KNG1: variants seen among roughly 807,000 people sequenced by gnomAD.
KNG1 encodes kininogen 1, also known as kininogen-1.
KNG1 carries 23 observed loss-of-function variants against 47.8 expected under a neutral mutation model. The observed-to-expected ratio is 0.48, with a 90% CI of 0.35 to 0.68. The LOEUF is 0.68. KNG1 is among the 30% of genes least tolerant of loss of function. The pLI, the probability that KNG1 is intolerant of heterozygous loss-of-function variation, is 0.01. For synonymous variants in KNG1, 277 were observed against 277.0 expected, an observed-to-expected ratio of 1.00 and a Z score of 0.00; for missense variants, 762 against 790.2, an observed-to-expected ratio of 0.96 and a Z score of 0.43.
chr3:186,725,514 T>G (rs999213850), intron 4 of KNG1, among the ~76,000 whole-genome samples: 2 of 149,100 alleles, frequency 1.3e-5, no homozygotes, highest in African/African-American at 5.0e-5. Flanking sequence ...CTAGAGACAG[T>G]GAAAAGGAAA....
chr3:186,718,766 T>C (rs148986319), intron 1 of KNG1, among the ~76,000 whole-genome samples: 1 of 152,070 alleles, frequency 6.6e-6, no homozygotes, highest in Admixed American at 6.5e-5. Context: ...AGGAATGAGG[T>C]TAATGTGATT....
At position 186,743,726 on chromosome 3, in the gene KNG1, T is replaced by C; in HGVS notation, c.*1395T>C. 1 of 1,613,994 alleles carries C rather than the reference T, an allele frequency of 6.2e-7. No individual in the cohort carries two copies. The highest frequency in any genetic ancestry group is 8.5e-7 in the Non-Finnish European group (1 of 1,179,922). On this transcript the variant is annotated 3_prime_UTR_variant, in exon 10 of 10. Transcript: ENST00000644859. ...ACAGAGTCACCTAAGGTCCTGCGAGTACAAGGGTCGACCCCCAAAGGCAGG... is the reference window on the plus strand; with the variant it reads ...ACAGAGTCACCTAAGGTCCTGCGAGCACAAGGGTCGACCCCCAAAGGCAGG...
rs188949966 is a variant in KNG1 at position 186,720,829 on chromosome 3, G to A, written c.306+614G>A. Among the ~76,000 whole-genome samples, 153 of 119,854 alleles carry A rather than the reference G, an allele frequency of 1.3e-3. 1 individual carries two copies. The highest frequency in any genetic ancestry group is 0.015 in the Middle Eastern group (2 of 132). 78.6% of individuals were successfully genotyped at this position (119,854 alleles called of 152,430 possible). A position where few individuals can be genotyped will look rare whatever the true frequency, so the allele number is the denominator to read the frequency against. Reference sequence around the variant, plus strand: ...TTTTGAGCCAGAGTCTCGCTCTGTCGCTCAGGCTGGAGTGCAGTGGCGCGA... The same window carrying A: ...TTTTGAGCCAGAGTCTCGCTCTGTCACTCAGGCTGGAGTGCAGTGGCGCGA... On this transcript the variant is annotated intron_variant, in intron 2 of 9. Transcript: ENST00000644859.
At chr3:186,728,018 A>G (rs1187155704) in intron 5 of KNG1, among the ~76,000 whole-genome samples, 1 of 152,104 alleles carries the variant, frequency 6.6e-6, no homozygotes, top group African/African-American at 2.4e-5. Flanking sequence ...CCCTTGCTCT[A>G]CCCAGGGTTA....
chr3:186,722,217 ACTGT>A, intron 2 of KNG1: 1 of 544,886 alleles, frequency 1.8e-6, no homozygotes, highest in African/African-American at 1.9e-5. Flanking sequence ...CATCATTTAC[ACTGT>A]CTTTCCTCCA....
Position 186,742,039 on chromosome 3 carries a change from T to A in KNG1, c.1643T>A (p.Ile548Asn). ...GAGAAGACAGAAGGGCCAACACCCA[T>A]CCCTTCCCTAGCCAAGCCAGGTGTA... ...TQEKTEGPTP[I>N]PSLAKPGVTV... Residue 548 changes from isoleucine (I) to asparagine (N), a missense_variant, in exon 10 of 10, where the codon ATC becomes AAC. Coordinates refer to ENST00000644859, the MANE Select transcript of KNG1 (RefSeq NM_001102416.3). The A allele has an allele frequency of 6.2e-7, 1 of 1,613,988 alleles. No individual in the cohort carries two copies.
intron 4 of KNG1, among the ~76,000 whole-genome samples, chr3:186,726,586 G>A (rs775759253): frequency 8.6e-5 from 13 of 152,030 alleles, no homozygotes; most frequent in East Asian, 1.9e-4. Context: ...CACCACGCCC[G>A]CCCCTCCCAG....
chr3:186,723,826 G>A (rs1302427480), intron 3 of KNG1, among the ~76,000 whole-genome samples: 1 of 151,946 alleles, frequency 6.6e-6, no homozygotes, highest in African/African-American at 2.4e-5. Context: ...GATAATTTTT[G>A]TGTTTTTAGT....
In KNG1 at chr3:186,742,233, A is replaced by C. The variant is rs760079397; in HGVS notation, c.1837A>C (p.Lys613Gln). 4 of 1,614,078 alleles carry C rather than the reference A, an allele frequency of 2.5e-6. No individual in the cohort carries two copies. The highest frequency in any genetic ancestry group is 3.4e-6 in the Non-Finnish European group (4 of 1,180,042). The change falls in exon 10 of 10, where the codon AAA becomes CAA. Residue 613 changes from lysine (K) to glutamine (Q), a missense_variant. By Grantham distance (53) the Lys-to-Gln change is moderately conservative. Coordinates refer to ENST00000644859, the MANE Select transcript of KNG1 (RefSeq NM_001102416.3). ...AGATTTTCCAGACACGACCTCCCCA[A>C]AATGTCCTGGACGCCCCTGGAAGTC... ...ISDFPDTTSP[K>Q]CPGRPWKSVS...
At chr3:186,717,815 C>CACAA in intron 1 of KNG1, 78 bp downstream of exon 1, 1 of 982,914 alleles carries the variant, frequency 1.0e-6, no homozygotes, top group African/African-American at 1.6e-5. Flanking sequence ...CACACACACA[C>CACAA]ACATACCACC....
intron 7 of KNG1, among the ~76,000 whole-genome samples, chr3:186,737,422 C>G (rs1317804630): frequency 6.6e-6 from 1 of 152,094 alleles, no homozygotes; most frequent in African/African-American, 2.4e-5. Flanking sequence ...TTTCATTTTT[C>G]TCTAGTCAAG....
intron 3 of KNG1, 98 bp downstream of exon 3, chr3:186,722,619 G>C: frequency 1.0e-6 from 1 of 972,038 alleles, no homozygotes; most frequent in Non-Finnish European, 1.6e-6. Flanking sequence ...CTCCCAGAGG[G>C]TGGCAGTAGT....
chr3:186,735,734 C>T (rs997130829), intron 7 of KNG1: 2 of 152,188 alleles, frequency 1.3e-5, no homozygotes, highest in African/African-American at 2.4e-5. Flanking sequence ...ACTGGGAGGT[C>T]GAGACTGCAG....
chr3:186,721,776 C>T (rs767794674), intron 2 of KNG1: 1 of 152,794 alleles, frequency 6.5e-6, no homozygotes, highest in East Asian at 1.9e-4. Flanking sequence ...GAGTGTTTAG[C>T]AGGCTGGTTC....
chr3:186,738,418 TA>T (rs5030114), intron 7 of KNG1: 7,894 of 152,328 alleles, frequency 0.052, 257 homozygotes, highest in South Asian at 0.13. Flanking sequence ...GGCAGGACAA[TA>T]AGGCATATTT....
In KNG1 at chr3:186,743,686, C is replaced by A. The variant is rs11057; in HGVS notation, c.*1355C>A. 2 of 1,585,990 alleles carry A rather than the reference C, an allele frequency of 1.3e-6. No homozygotes were observed. The highest frequency in any genetic ancestry group is 1.3e-5 in the African/African-American group (1 of 74,482). ...TTGAATGATAACATCATATTAACTGCGTTTTACTATACTTACAGAGTCACC... is the reference window on the plus strand; with the variant it reads ...TTGAATGATAACATCATATTAACTGAGTTTTACTATACTTACAGAGTCACC... On this transcript the variant is annotated 3_prime_UTR_variant, in exon 10 of 10. Coordinates refer to ENST00000644859, the MANE Select transcript of KNG1 (RefSeq NM_001102416.3).
Position 186,743,838 on chromosome 3 carries a change from C to A in KNG1, c.*1507C>A, listed in dbSNP as rs1383732826. 1.6e-6 allele frequency: 2 copies of A among 1,252,164 alleles called. No individual in the cohort carries two copies. Among genetic ancestry groups the A allele is most frequent in the Non-Finnish European group, 2.4e-6 (2 of 849,946 alleles). 77.6% of individuals were successfully genotyped at this position (1,252,164 alleles called of 1,614,324 possible). A position where few individuals can be genotyped will look rare whatever the true frequency, so the allele number is the denominator to read the frequency against. ...ACATAGCCCCAACCACCTCTGCCAGCAACCTTGAGAGGAAGGACAAGAAGA... is the reference window on the plus strand; with the variant it reads ...ACATAGCCCCAACCACCTCTGCCAGAAACCTTGAGAGGAAGGACAAGAAGA... On this transcript the variant is annotated 3_prime_UTR_variant, in exon 10 of 10. Transcript: ENST00000644859.
At chr3:186,718,402 C>T (rs9825929) in intron 1 of KNG1, 6,380 of 87,820 alleles carry the variant, frequency 0.073, 354 homozygotes, top group Non-Finnish European at 0.093. Context: ...CCACCACCAC[C>T]GCCACCCACC....
In KNG1 at chr3:186,744,113, G is replaced by T; in HGVS notation, c.*1782G>T. 2.7e-6 allele frequency: 1 copy of T among 373,864 alleles called. No individual in the cohort carries two copies. The highest frequency in any genetic ancestry group is 5.0e-6 in the Non-Finnish European group (1 of 198,088). The allele number at this position is 373,864 out of a possible 1,614,324, so 23.2% of individuals were successfully genotyped here. ...AGGCGGGACTTCCTTACCACCACGG[G>T]TGCTAAAAGAAGAGTTAGTAGGTCA... On this transcript the variant is annotated 3_prime_UTR_variant, in exon 10 of 10. Transcript: ENST00000644859.
Sources: allele counts gnomAD v4.1 joint callset (sites outside exome capture counted in the v4.1 genomes callset), GRCh38; gene constraint gnomAD v4.1.1; transcripts MANE v1.5; gene names NCBI Gene and HGNC (gene_info 2026-07-23, HGNC 2026-07-21).